CFAP61: variants seen among roughly 807,000 people sequenced by gnomAD.
The protein encoded by CFAP61 is cilia and flagella associated protein 61.
In CFAP61, 107 loss-of-function variants were observed where a neutral mutation model predicts 135.6. That is an observed-to-expected ratio of 0.79 (90% CI 0.67 to 0.93). CFAP61 has a LOEUF of 0.93. Among genes scored for constraint, CFAP61 ranks in the 40% least tolerant of loss-of-function variants. The probability of loss-of-function intolerance (pLI) is 0.00; values close to 1 mark genes in which losing one functional copy is unlikely to be tolerated. For missense variants in CFAP61, 1,507 were observed against 1,556.2 expected (o/e 0.97, Z 0.53); for synonymous variants, 575 against 578.5 (o/e 0.99, Z 0.09).
At chr20:20,267,878 C>T (rs2052917102) in intron 21 of CFAP61, 1 of 152,220 alleles carries the variant, frequency 6.6e-6, no homozygotes, top group African/African-American at 2.4e-5. Context: ...GCATGCATTT[C>T]CGGAGGCTCC....
intron 18 of CFAP61, among the ~76,000 whole-genome samples, chr20:20,238,641 C>T (rs2049777931): frequency 6.6e-6 from 1 of 152,200 alleles, no homozygotes; most frequent in African/African-American, 2.4e-5. Context: ...ATCTACTGCC[C>T]AGAAGGGTAA....
At chr20:20,075,731 T>C (rs2046004913) in intron 6 of CFAP61, 116 bp downstream of exon 6, 1 of 1,078,832 alleles carries the variant, frequency 9.3e-7, no homozygotes, top group Non-Finnish European at 1.4e-6. Flanking sequence ...TTTTTTACAA[T>C]ACTCATAAGC....
rs1028218179 is a variant in CFAP61 at position 20,321,532 on chromosome 20, A to G, written c.3423-20299A>G. 5.3e-5 allele frequency among the ~76,000 whole-genome samples: 8 copies of G among 152,344 alleles called. No homozygotes were observed. The South Asian group carries it at 1.7e-3, about 32-fold the overall frequency. On this transcript the variant is annotated intron_variant, in intron 25 of 26. Coordinates refer to ENST00000245957, the MANE Select transcript of CFAP61 (RefSeq NM_015585.4). ...ATTGTGAAGTTTCATGGTTGTATCT[A>G]ACAGGACAAAGGGCAGAGATAAGAC...
chr20:20,214,672 A>G (rs1377006387), intron 17 of CFAP61, among the ~76,000 whole-genome samples: 1 of 152,244 alleles, frequency 6.6e-6, no homozygotes, highest in Non-Finnish European at 1.5e-5. Flanking sequence ...AGTCACACAA[A>G]GAAGACTCAC....
chr20:20,169,443 C>T lies in CFAP61; in HGVS notation c.1368C>T (p.His456=). 1.2e-6 allele frequency: 2 copies of T among 1,613,602 alleles called. No individual in the cohort carries two copies. Among genetic ancestry groups the T allele is most frequent in the Admixed American group, 1.7e-5 (1 of 59,990 alleles). The change falls in exon 13 of 27, where the codon CAC becomes CAT. Residue 456 remains histidine (H), a synonymous_variant. Transcript: ENST00000245957. ...TCGAGCAGGACCTCTACGTCTTCCA[C>T]CGGGCTGGATTGCTCAAGTGAGTAG... ...CTLEQDLYVF[H]RAGLLKSINI...
intron 26 of CFAP61, among the ~76,000 whole-genome samples, chr20:20,342,898 T>C (rs1005721973): frequency 4.6e-5 from 7 of 151,900 alleles, no homozygotes; most frequent in African/African-American, 1.7e-4. Flanking sequence ...TCCCCCTCTG[T>C]TGTGCAGGCT....
At chr20:20,215,475 C>A (rs2047986049) in intron 17 of CFAP61, among the ~76,000 whole-genome samples, 1 of 152,170 alleles carries the variant, frequency 6.6e-6, no homozygotes, top group Non-Finnish European at 1.5e-5. Context: ...TTGGAGAAAT[C>A]ACTGGCATGC....
chr20:20,287,988 C>CATAT (rs1167893007), intron 22 of CFAP61, among the ~76,000 whole-genome samples: 1 of 152,138 alleles, frequency 6.6e-6, no homozygotes, highest in Non-Finnish European at 1.5e-5. Flanking sequence ...CAGTGCCTGG[C>CATAT]ATATGGTAGG....
intron 15 of CFAP61, among the ~76,000 whole-genome samples, chr20:20,192,184 A>G (rs1601308284): frequency 1.3e-5 from 2 of 152,264 alleles, no homozygotes; most frequent in East Asian, 3.9e-4. Context: ...CTTCCCTATT[A>G]GGATCATGGA....
chr20:20,328,888 C>T (rs564373407), intron 25 of CFAP61, among the ~76,000 whole-genome samples: 3 of 152,178 alleles, frequency 2.0e-5, no homozygotes, highest in South Asian at 4.1e-4. Context: ...AGCTAACAAG[C>T]GTTGTCGGGG....
chr20:20,064,291 G>T (rs989313540), intron 2 of CFAP61, among the ~76,000 whole-genome samples: 48 of 152,120 alleles, frequency 3.2e-4, no homozygotes, highest in African/African-American at 1.0e-3. Context: ...ACGGATTAAA[G>T]ATTTCTTCTT....
intron 12 of CFAP61, 103 bp downstream of exon 12, chr20:20,166,539 G>T (rs998264737): frequency 1.6e-5 from 14 of 903,014 alleles, no homozygotes; most frequent in Admixed American, 2.0e-5. Flanking sequence ...TGAGGTTTGT[G>T]TTCGGAGAAT....
At chr20:20,139,111 A>G (rs949052442) in intron 8 of CFAP61, among the ~76,000 whole-genome samples, 2 of 152,242 alleles carry the variant, frequency 1.3e-5, no homozygotes, top group African/African-American at 4.8e-5. Context: ...AAAAAGCACA[A>G]AATTATATTA....
At chr20:20,297,752 G>A (rs2055750612) in intron 24 of CFAP61, among the ~76,000 whole-genome samples, 1 of 152,196 alleles carries the variant, frequency 6.6e-6, no homozygotes, top group Admixed American at 6.5e-5. Context: ...TTTTGTTCAA[G>A]TAATCTTGAA....
In CFAP61 at chr20:20,202,494, C is replaced by T. The variant is rs9941757; in HGVS notation, c.1932+2592C>T. Among the ~76,000 whole-genome samples the T allele has an allele frequency of 8.8e-3, 1,337 of 152,174 alleles. 21 individuals carry two copies. The highest frequency in any genetic ancestry group is 0.03 in the African/African-American group (1,266 of 41,516). On this transcript the variant is annotated intron_variant, in intron 17 of 26. Transcript: ENST00000245957. ...ACCATAATCCCCATGGAATGGGCCT[C>T]GGTATTAAAAAGTTAAAATGCTAAA...
At chr20:20,215,133 G>A (rs1437036665) in intron 17 of CFAP61, 3 of 152,128 alleles carry the variant, frequency 2.0e-5, no homozygotes, top group East Asian at 1.9e-4. Flanking sequence ...TTGGAGACGC[G>A]TGCTCATCTT....
intron 8 of CFAP61, among the ~76,000 whole-genome samples, chr20:20,135,737 G>T (rs1171226425): frequency 1.3e-5 from 2 of 151,900 alleles, no homozygotes; most frequent in Admixed American, 6.6e-5. Context: ...TATTATTTTT[G>T]ATCTTTTCAT....
chr20:20,205,501 C>T lies in CFAP61; in HGVS notation c.1932+5599C>T, dbSNP rs112723452. Among the ~76,000 whole-genome samples, 895 of 152,342 alleles carry T rather than the reference C, an allele frequency of 5.9e-3. 3 individuals carry two copies. The highest frequency in any genetic ancestry group is 9.9e-3 in the Non-Finnish European group (675 of 68,030). On this transcript the variant is annotated intron_variant, in intron 17 of 26. Transcript: ENST00000245957. ...TATGACTCATGATAGGAAAACCAAA[C>T]TACAGAAAAGGAATATGGCTTGATA... is the stretch of plus-strand genomic sequence containing the variant.
In CFAP61 at chr20:20,288,938, T is replaced by C; in HGVS notation, c.3124+2T>C. The C allele has an allele frequency of 6.2e-7, 1 of 1,600,738 alleles. No individual in the cohort carries two copies. Among genetic ancestry groups the C allele is most frequent in the Non-Finnish European group, 8.6e-7 (1 of 1,169,108 alleles). Reference sequence around the variant, plus strand: ...TGTACAAGGGAGCCAAGATTCAAGGTATACGAGTAGGCTTCCTTCTCCTTG... The same window carrying C: ...TGTACAAGGGAGCCAAGATTCAAGGCATACGAGTAGGCTTCCTTCTCCTTG... On this transcript the variant is annotated splice_donor_variant, in intron 23 of 26. Coordinates refer to ENST00000245957, the MANE Select transcript of CFAP61 (RefSeq NM_015585.4). LOFTEE classifies it high-confidence loss of function.
Sources: gnomAD v4.1 joint callset for allele counts (sites outside exome capture counted in the v4.1 genomes callset) on GRCh38, gnomAD v4.1.1 for gene constraint, MANE v1.5 for transcripts, NCBI Gene and HGNC (gene_info 2026-07-23, HGNC 2026-07-21) for gene names.